Variants in PCAT7 observed in about 807,000 individuals in gnomAD.
PCAT7 encodes prostate cancer associated transcript 7 (non-protein coding).
chr9:94,558,360 T>A (rs922644228), intron 1 of PCAT7, among the ~76,000 whole-genome samples: 1 of 152,204 alleles, frequency 6.6e-6, no homozygotes, highest in African/African-American at 2.4e-5. Flanking sequence ...AATGGCGCGA[T>A]CTCGGCTCAC....
intron 2 of PCAT7, chr9:94,569,743 T>C (rs1466554854): frequency 6.6e-6 from 1 of 152,206 alleles, no homozygotes; most frequent in Non-Finnish European, 1.5e-5. Flanking sequence ...TGCCTTGACA[T>C]TGAGCTTTAC....
chr9:94,562,545 T>C (rs1423422039), intron 2 of PCAT7, among the ~76,000 whole-genome samples: 1 of 152,130 alleles, frequency 6.6e-6, no homozygotes, highest in Non-Finnish European at 1.5e-5. Context: ...TCAGCGTGGC[T>C]TTGATTCTTA....
chr9:94,566,844 T>C (rs1827196977), intron 2 of PCAT7, among the ~76,000 whole-genome samples: 1 of 152,222 alleles, frequency 6.6e-6, no homozygotes, highest in African/African-American at 2.4e-5. Flanking sequence ...ATAAAGTTTA[T>C]ATTTTATGTT....
chr9:94,559,074 A>C (rs1827053936), exon 2 of PCAT7: 1 of 1,613,980 alleles, frequency 6.2e-7, no homozygotes. Context: ...CGTGGTCGCC[A>C]AGCCTCCTGC....
rs779731457 is a variant in PCAT7 at position 94,567,392 on chromosome 9, C to T, written n.442-5587C>T. 3 of 1,614,108 alleles carry T rather than the reference C, an allele frequency of 1.9e-6. No homozygotes were observed. The South Asian group carries it at 3.3e-5, about 18-fold the overall frequency. ...ATCTTGACATCTTTTTCCACCAGGA[C>T]AAATTCACCAAGAGCCTAGCAACAT... On this transcript the variant is annotated intron_variant and non_coding_transcript_variant, in intron 2 of 8. Coordinates refer to ENST00000647389, the Ensembl canonical transcript of PCAT7.
At chr9:94,573,899 T>C (rs956934147) in intron 3 of PCAT7, among the ~76,000 whole-genome samples, 1 of 152,214 alleles carries the variant, frequency 6.6e-6, no homozygotes, top group Non-Finnish European at 1.5e-5. Flanking sequence ...AATCTGTGAA[T>C]ATTTGTTATG....
chr9:94,572,850 T>C (rs564128363), intron 2 of PCAT7: 1 of 152,380 alleles, frequency 6.6e-6, no homozygotes, highest in East Asian at 1.9e-4. Flanking sequence ...TATTTTAAAA[T>C]GTAATTATAA....
At chr9:94,567,125 A>G (rs1827200607) in intron 2 of PCAT7, 1 of 709,790 alleles carries the variant, frequency 1.4e-6, no homozygotes, top group Non-Finnish European at 2.3e-6. Context: ...CTTATGAAGA[A>G]AGGCAGAGTC....
intron 2 of PCAT7, chr9:94,569,595 G>A (rs1180152518): frequency 6.6e-6 from 1 of 152,218 alleles, no homozygotes; most frequent in African/African-American, 2.4e-5. Context: ...TATTAACCTG[G>A]AAAATGTGTT....
chr9:94,563,498 C>T (rs1352634781), intron 2 of PCAT7: 2 of 1,601,224 alleles, frequency 1.2e-6, no homozygotes, highest in Admixed American at 3.4e-5. Flanking sequence ...GATCCAGTGG[C>T]TTTCAGGATT....
intron 1 of PCAT7, among the ~76,000 whole-genome samples, chr9:94,556,305 GA>G (rs1010848648): frequency 5.3e-5 from 8 of 151,690 alleles, no homozygotes; most frequent in East Asian, 3.9e-4. Flanking sequence ...AATACGGTGG[GA>G]AAAAAAATAC....
At chr9:94,569,296 G>GTGCTTCC (rs1367355950) in intron 2 of PCAT7, 1 of 152,276 alleles carries the variant, frequency 6.6e-6, no homozygotes, top group Non-Finnish European at 1.5e-5. Flanking sequence ...GACCACTGCC[G>GTGCTTCC]TGCTTCCTGC....
Position 94,555,809 on chromosome 9 carries a change from G to A in PCAT7, n.257+499G>A, listed in dbSNP as rs531137020. ...TGTTTGGGTAGATGGAGGAGGGAAA[G>A]AGGGTGACAAGGAGGAGGAGAAAAG... On this transcript the variant is annotated intron_variant and non_coding_transcript_variant, in intron 1 of 8. Transcript: ENST00000647389. 9.9e-5 allele frequency among the ~76,000 whole-genome samples: 15 copies of A among 151,988 alleles called. No homozygotes were observed. The East Asian group carries it at 2.9e-3, about 29-fold the overall frequency.
intron 2 of PCAT7, chr9:94,567,447 C>A (rs759637476): frequency 3.2e-6 from 5 of 1,571,358 alleles, no homozygotes; most frequent in Non-Finnish European, 4.3e-6. Context: ...AAGAGAGAAG[C>A]CAGGAAACAA....
intron 2 of PCAT7, chr9:94,563,566 C>T: frequency 8.1e-7 from 1 of 1,240,716 alleles, no homozygotes; most frequent in Non-Finnish European, 1.1e-6. Context: ...CTTCTTGAAT[C>T]CCTATCCTCC....
intron 2 of PCAT7, among the ~76,000 whole-genome samples, chr9:94,562,796 C>T (rs1419749713): frequency 6.6e-6 from 1 of 152,100 alleles, no homozygotes; most frequent in Non-Finnish European, 1.5e-5. Flanking sequence ...TGCAATTAGA[C>T]CTTCCAGGAA....
chr9:94,564,457 C>T (rs184068242), intron 2 of PCAT7, among the ~76,000 whole-genome samples: 6 of 152,266 alleles, frequency 3.9e-5, no homozygotes, highest in Non-Finnish European at 7.3e-5. Context: ...GCTACATATA[C>T]ACAATGGAAT....
At chr9:94,564,877 T>C (rs1428361648) in intron 2 of PCAT7, among the ~76,000 whole-genome samples, 1 of 152,170 alleles carries the variant, frequency 6.6e-6, no homozygotes, top group Non-Finnish European at 1.5e-5. Flanking sequence ...TGAACCACTG[T>C]AGGATGAATA....
At chr9:94,557,139 G>C (rs57578837) in intron 1 of PCAT7, among the ~76,000 whole-genome samples, 1 of 152,152 alleles carries the variant, frequency 6.6e-6, no homozygotes. Context: ...TAGATTTGTA[G>C]TATATTTTGA....
Sources: gnomAD v4.1 joint callset for allele counts (sites outside exome capture counted in the v4.1 genomes callset) on GRCh38, gnomAD v4.1.1 for gene constraint, MANE v1.5 for transcripts, NCBI Gene and HGNC (gene_info 2026-07-23, HGNC 2026-07-21) for gene names.